Variants in TBC1D31 observed in about 807,000 individuals in gnomAD.
TBC1D31 encodes the protein TBC1 domain family member 31.
A neutral mutation model predicts 132.9 loss-of-function variants in TBC1D31; 99 were observed. That is an observed-to-expected ratio of 0.74 (90% CI 0.63 to 0.88). The LOEUF (loss-of-function observed/expected upper bound fraction) is 0.88. TBC1D31 is among the 40% of genes least tolerant of loss of function. The pLI is 0.00. For missense variants in TBC1D31, 1,134 were observed against 1,256.6 expected (o/e 0.90, Z 1.48); for synonymous variants, 385 against 419.4 (o/e 0.92, Z 1.00).
At chr8:123,074,819 T>G (rs1296160490) in intron 1 of TBC1D31, 1 of 152,224 alleles carries the variant, frequency 6.6e-6, no homozygotes, top group Admixed American at 6.5e-5. Context: ...TCACTAAGGC[T>G]GTCAGTGGGG....
At chr8:123,114,739 C>T (rs1427373298) in intron 10 of TBC1D31, among the ~76,000 whole-genome samples, 1 of 152,144 alleles carries the variant, frequency 6.6e-6, no homozygotes, top group Non-Finnish European at 1.5e-5. Flanking sequence ...AAAATCAGCA[C>T]CTCTTCCAGC....
At position 123,151,898 on chromosome 8, in the gene TBC1D31, G is replaced by A; in HGVS notation, c.3160G>A (p.Ala1054Thr). 1 of 1,586,610 alleles carries A rather than the reference G, an allele frequency of 6.3e-7. No individual in the cohort carries two copies. The highest frequency in any genetic ancestry group is 1.8e-5 in the Admixed American group (1 of 54,324). ...TCTTCGCCAGAGACTCACTGCCCGG[G>A]CTCGTCACAGATGTCAAACCCCTCA... The part of the protein sequence containing the change: ...RNLRQRLTAR[A>T]RHRCQTPHLL... The change falls in exon 22 of 22, where the codon GCT becomes ACT. Residue 1054 changes from alanine to threonine, a missense_variant. Transcript: ENST00000287380.
intron 1 of TBC1D31, 51 bp from the exon 2 acceptor site, chr8:123,077,060 A>G: frequency 1.3e-6 from 2 of 1,496,422 alleles, no homozygotes; most frequent in Non-Finnish European, 1.8e-6. Context: ...TTTTCATAAT[A>G]TCAAGTAATA....
chr8:123,115,297 ATCCTT>A (rs1818815717), intron 10 of TBC1D31, among the ~76,000 whole-genome samples: 1 of 152,246 alleles, frequency 6.6e-6, no homozygotes, highest in Non-Finnish European at 1.5e-5. Flanking sequence ...TGAAAGTACT[ATCCTT>A]AGGAGAATAT....
chr8:123,094,073 CT>C (rs1347306969), intron 5 of TBC1D31, among the ~76,000 whole-genome samples: 12 of 147,658 alleles, frequency 8.1e-5, no homozygotes, highest in Non-Finnish European at 9.0e-5. Context: ...CTTTTCTTTT[CT>C]TTTTTTTTTA....
chr8:123,151,844 G>A lies in TBC1D31; in HGVS notation c.3106G>A (p.Gly1036Arg). 1 of 1,588,156 alleles carries A rather than the reference G, an allele frequency of 6.3e-7. No homozygotes were observed. Among genetic ancestry groups the A allele is most frequent in the South Asian group, 1.2e-5 (1 of 84,704 alleles). Residue 1036 changes from glycine (G) to arginine (R), a missense_variant, in exon 22 of 22, where the codon GGA (glycine) becomes AGA (arginine). Transcript: ENST00000287380. ...AAGAGCAGTAGAATGGGACACCACG[G>A]GACAGAATCTTATTAAGAAAGTGAG... is the stretch of plus-strand genomic sequence containing the variant. ...NRRAVEWDTT[G>R]QNLIKKVRNL...
intron 5 of TBC1D31, 21 bp from the exon 6 acceptor site, chr8:123,097,261 C>A: frequency 6.2e-7 from 1 of 1,608,936 alleles, no homozygotes; most frequent in South Asian, 1.1e-5. Flanking sequence ...GTTTTTCTTT[C>A]TCACTTTTTT....
intron 4 of TBC1D31, among the ~76,000 whole-genome samples, chr8:123,091,207 T>C (rs1816292173): frequency 6.6e-6 from 1 of 152,166 alleles, no homozygotes; most frequent in African/African-American, 2.4e-5. Context: ...AATTTTATAA[T>C]CATTAAAATA....
At chr8:123,101,430 T>C (rs573848586) in intron 7 of TBC1D31, among the ~76,000 whole-genome samples, 1 of 152,348 alleles carries the variant, frequency 6.6e-6, no homozygotes, top group East Asian at 1.9e-4. Flanking sequence ...TTTTTGTTTT[T>C]TGAGACGGAG....
At chr8:123,095,003 GTC>G (rs1333079145) in intron 5 of TBC1D31, among the ~76,000 whole-genome samples, 3 of 151,818 alleles carry the variant, frequency 2.0e-5, no homozygotes, top group African/African-American at 4.8e-5. Flanking sequence ...TGATATATTC[GTC>G]TTTTTTTTTC....
rs763680295 is a variant in TBC1D31 at position 123,142,267 on chromosome 8, T to C, written c.2646T>C (p.Ile882=). 1.9e-6 allele frequency: 3 copies of C among 1,567,266 alleles called. 1 individual carries two copies. The South Asian group carries it at 3.6e-5, about 19-fold the overall frequency. The part of the protein sequence containing the change: ...ETQSQKTQKV[I]KENLAKAEQA... ...AATGTATAACTTTTTCCTAGGTGAT[T>C]AAAGAAAATTTGGCAAAGGCTGAAC... The change falls in exon 19 of 22, where the codon ATT becomes ATC. Residue 882 remains isoleucine, a synonymous_variant. Coordinates refer to ENST00000287380, the MANE Select transcript of TBC1D31 (RefSeq NM_145647.4).
At chr8:123,128,624 C>A in intron 14 of TBC1D31, 111 bp downstream of exon 14, 1 of 829,586 alleles carries the variant, frequency 1.2e-6, no homozygotes, top group Non-Finnish European at 1.9e-6. Flanking sequence ...CGCCTATAGT[C>A]CCAGCACTTT....
downstream of TBC1D31, among the ~76,000 whole-genome samples, chr8:123,152,588 A>C (rs920270743): frequency 3.9e-5 from 6 of 152,210 alleles, no homozygotes; most frequent in African/African-American, 1.4e-4. Context: ...AAGATCAGGC[A>C]GGCCAGACGT....
At chr8:123,084,406 A>G in intron 4 of TBC1D31, 66 bp downstream of exon 4, 2 of 1,427,698 alleles carry the variant, frequency 1.4e-6, no homozygotes, top group Non-Finnish European at 1.9e-6. Flanking sequence ...AACAGGATGT[A>G]TAGATGATAT....
At chr8:123,089,228 A>T (rs944330807) in intron 4 of TBC1D31, among the ~76,000 whole-genome samples, 5 of 152,130 alleles carry the variant, frequency 3.3e-5, no homozygotes, top group Non-Finnish European at 7.4e-5. Context: ...AATCCAAAAC[A>T]TTTCTGGTTC....
In TBC1D31 at chr8:123,077,116, T is replaced by C. The variant is rs765679821; in HGVS notation, c.83T>C (p.Ile28Thr). The C allele has an allele frequency of 6.3e-7, 1 of 1,599,304 alleles. No individual in the cohort carries two copies. The highest frequency in any genetic ancestry group is 1.1e-5 in the South Asian group (1 of 87,878). Residue 28 changes from isoleucine (I) to threonine (T), a missense_variant, in exon 2 of 22, where the codon ATA (isoleucine) becomes ACA (threonine). Physicochemically the swap from Ile to Thr is moderately conservative, Grantham distance 89 (BLOSUM62 -1). Transcript: ENST00000287380. ...TGGGTTTTTTTCTTTGACAGAATTATAGTGAACATTATTCACAACACTTCC... is the reference window on the plus strand; with the variant it reads ...TGGGTTTTTTTCTTTGACAGAATTACAGTGAACATTATTCACAACACTTCC... ...KPSPATRDGIIVNIIHNTSDY... is the reference protein window; with the variant it reads ...KPSPATRDGITVNIIHNTSDY...
At chr8:123,122,215 T>C (rs1298210446) in intron 11 of TBC1D31, among the ~76,000 whole-genome samples, 1 of 152,182 alleles carries the variant, frequency 6.6e-6, no homozygotes, top group Non-Finnish European at 1.5e-5. Flanking sequence ...AATTGAAAAC[T>C]GAGACTTAGA....
intron 8 of TBC1D31, among the ~76,000 whole-genome samples, chr8:123,107,902 G>A (rs774856594): frequency 6.6e-6 from 1 of 152,186 alleles, no homozygotes; most frequent in Non-Finnish European, 1.5e-5. Context: ...CCAAGACAAG[G>A]ACAGGTCAAA....
At chr8:123,108,334 A>G (rs982657671) in intron 8 of TBC1D31, among the ~76,000 whole-genome samples, 1 of 152,212 alleles carries the variant, frequency 6.6e-6, no homozygotes, top group African/African-American at 2.4e-5. Context: ...CCTAAATTCT[A>G]TAAAATATTT....
Sources: gnomAD v4.1 joint callset for allele counts (sites outside exome capture counted in the v4.1 genomes callset) on GRCh38, gnomAD v4.1.1 for gene constraint, MANE v1.5 for transcripts, NCBI Gene and HGNC (gene_info 2026-07-23, HGNC 2026-07-21) for gene names.